MEIKIN: variants seen among roughly 807,000 people sequenced by gnomAD.
MEIKIN encodes the protein meiosis-specific kinetochore protein.
chr5:131,907,610 A>G (rs1316425971), intron 8 of MEIKIN, among the ~76,000 whole-genome samples: 1 of 151,334 alleles, frequency 6.6e-6, no homozygotes, highest in Non-Finnish European at 1.5e-5. Context: ...CAGGTGGCTC[A>G]CGCCTGTAAT....
Position 131,871,448 on chromosome 5 carries a change from G to A in MEIKIN, c.774+7530C>T, listed in dbSNP as rs185842295. Among the ~76,000 whole-genome samples the A allele has an allele frequency of 2.4e-3, 361 of 152,330 alleles. 3 individuals carry two copies. Among genetic ancestry groups the A allele is most frequent in the Middle Eastern group, 6.8e-3 (2 of 294 alleles). On this transcript the variant is annotated intron_variant, in intron 9 of 12. Transcript: ENST00000442687. ...ACTGCAAGGCGACAGCGAGGCTGGGGGAGGGGCGCCCGCCATTCCCGAGTC... is the reference window on the plus strand; with the variant it reads ...ACTGCAAGGCGACAGCGAGGCTGGGAGAGGGGCGCCCGCCATTCCCGAGTC...
At chr5:131,843,675 T>C in intron 11 of MEIKIN, among the ~76,000 whole-genome samples, 1 of 152,196 alleles carries the variant, frequency 6.6e-6, no homozygotes, top group East Asian at 1.9e-4. Context: ...ATCTGAGACC[T>C]CATCAGCCTG....
intron 4 of MEIKIN, among the ~76,000 whole-genome samples, chr5:131,934,009 G>A (rs1013445750): frequency 5.3e-5 from 8 of 152,040 alleles, no homozygotes; most frequent in African/African-American, 1.9e-4. Flanking sequence ...GCAGTAGCAC[G>A]ATTTTGGCTC....
chr5:131,874,413 C>T (rs1432738868), intron 9 of MEIKIN, among the ~76,000 whole-genome samples: 1 of 151,988 alleles, frequency 6.6e-6, no homozygotes, highest in Non-Finnish European at 1.5e-5. Flanking sequence ...GGATAAATTC[C>T]TGGACACATA....
chr5:131,912,907 T>C (rs62384092), intron 7 of MEIKIN, among the ~76,000 whole-genome samples: 4,602 of 152,306 alleles, frequency 0.03, 91 homozygotes, highest in Middle Eastern at 0.071. Flanking sequence ...TTCATCTCTG[T>C]TTCTTGTTCT....
chr5:131,924,488 CTTTTGTT>C (rs781546614), intron 5 of MEIKIN, among the ~76,000 whole-genome samples: 7 of 152,018 alleles, frequency 4.6e-5, no homozygotes, highest in Non-Finnish European at 1.0e-4. Flanking sequence ...CATTTGTTAT[CTTTTGTT>C]TTTTGTTTTT....
intron 5 of MEIKIN, among the ~76,000 whole-genome samples, chr5:131,926,080 C>T (rs141378977): frequency 8.9e-4 from 135 of 152,254 alleles, no homozygotes; most frequent in Non-Finnish European, 1.5e-3. Flanking sequence ...ATTGCTGTGA[C>T]TAGGACTATG....
chr5:131,892,876 C>T (rs1034001846), intron 8 of MEIKIN, among the ~76,000 whole-genome samples: 5 of 152,086 alleles, frequency 3.3e-5, no homozygotes, highest in African/African-American at 9.7e-5. Flanking sequence ...ATGATGGTGA[C>T]GTACAGATGG....
chr5:131,815,406 G>C (rs1159378531), intron 12 of MEIKIN, among the ~76,000 whole-genome samples: 2 of 152,180 alleles, frequency 1.3e-5, no homozygotes, highest in Non-Finnish European at 2.9e-5. Context: ...GAATCAAGGG[G>C]TAGAAACAAA....
chr5:131,916,978 T>C (rs892535354), intron 6 of MEIKIN, 53 bp from the exon 7 acceptor site: 129 of 394,360 alleles, frequency 3.3e-4, no homozygotes, highest in Non-Finnish European at 5.4e-4. Context: ...AAGGCAAAAA[T>C]TAGGTAAAAA....
At chr5:131,808,718 T>C (rs1772893631) in intron 12 of MEIKIN, among the ~76,000 whole-genome samples, 1 of 152,212 alleles carries the variant, frequency 6.6e-6, no homozygotes, top group Non-Finnish European at 1.5e-5. Context: ...TTGGCCTTTT[T>C]GTTTCTAGGG....
intron 5 of MEIKIN, among the ~76,000 whole-genome samples, chr5:131,923,477 T>G (rs1458411319): frequency 1.3e-5 from 2 of 151,994 alleles, no homozygotes; most frequent in Non-Finnish European, 2.9e-5. Context: ...ATCTTATATT[T>G]TTTTCCTCTA....
At chr5:131,861,555 T>C (rs184361486) in intron 9 of MEIKIN, among the ~76,000 whole-genome samples, 4 of 152,322 alleles carry the variant, frequency 2.6e-5, no homozygotes, top group South Asian at 2.1e-4. Flanking sequence ...GCTTTCAACT[T>C]TTCCCCATTC....
intron 5 of MEIKIN, among the ~76,000 whole-genome samples, chr5:131,925,745 T>C (rs1033276398): frequency 6.6e-6 from 1 of 152,194 alleles, no homozygotes; most frequent in Non-Finnish European, 1.5e-5. Context: ...CCCGGCCCAC[T>C]GCAACCTCTG....
chr5:131,937,438 C>T (rs1751800366), intron 4 of MEIKIN, among the ~76,000 whole-genome samples: 1 of 152,112 alleles, frequency 6.6e-6, no homozygotes, highest in South Asian at 2.1e-4. Flanking sequence ...AAACCATGCA[C>T]AGGAAACCTC....
At chr5:131,870,483 G>A (rs1431136912) in intron 9 of MEIKIN, among the ~76,000 whole-genome samples, 4 of 151,822 alleles carry the variant, frequency 2.6e-5, no homozygotes, top group East Asian at 3.9e-4. Context: ...TATTTCCTAG[G>A]ACATTTCGCC....
chr5:131,942,998 G>A (rs766590971), intron 3 of MEIKIN, among the ~76,000 whole-genome samples: 32 of 152,008 alleles, frequency 2.1e-4, no homozygotes, highest in Non-Finnish European at 4.0e-4. Flanking sequence ...GTTCCCTAGT[G>A]GGGAGGGGCT....
chr5:131,864,099 TGTTTTTTTA>T (rs1192798574), intron 9 of MEIKIN, among the ~76,000 whole-genome samples: 11 of 152,288 alleles, frequency 7.2e-5, no homozygotes, highest in Admixed American at 7.2e-4. Context: ...AGTTGAATCA[TGTTTTTTTA>T]ATCATTCAGC....
rs141069032 is a variant in MEIKIN at position 131,901,658 on chromosome 5, G to A, written c.703+10157C>T. 1.9e-3 allele frequency among the ~76,000 whole-genome samples: 292 copies of A among 152,240 alleles called. 1 individual carries two copies. The highest frequency in any genetic ancestry group is 6.7e-3 in the African/African-American group (279 of 41,544). On this transcript the variant is annotated intron_variant, in intron 8 of 12. Transcript: ENST00000442687. ...GTGAGCAGGTTTCTCACCTCAAGGG[G>A]CCAGAGAACAAAGCCAGGGGCCTGA...
Sources: allele counts gnomAD v4.1 joint callset (sites outside exome capture counted in the v4.1 genomes callset), GRCh38; gene constraint gnomAD v4.1.1; transcripts MANE v1.5; gene names NCBI Gene and HGNC (gene_info 2026-07-23, HGNC 2026-07-21).